Variants in SEM1 observed in about 807,000 individuals in gnomAD.
SEM1 encodes the protein SEM1 26S proteasome subunit, also known as 26S proteasome complex subunit SEM1.
SEM1 carries 3 observed loss-of-function variants against 12.7 expected under a neutral mutation model. That is an observed-to-expected ratio of 0.24 (90% CI 0.11 to 0.61). The LOEUF is 0.61. SEM1 is among the 20% of genes least tolerant of loss of function. SEM1 has a pLI of 0.88. For synonymous variants in SEM1, 30 were observed against 27.8 expected (o/e 1.08, Z -0.25); for missense variants, 59 against 81.3 (o/e 0.73, Z 1.06).
chr7:96,642,582 C>T (rs1342963965), intron 2 of SEM1, among the ~76,000 whole-genome samples: 1 of 151,222 alleles, frequency 6.6e-6, no homozygotes, highest in Admixed American at 6.6e-5. Flanking sequence ...GAGTTTATTT[C>T]CTAGGCACCA....
At chr7:96,590,204 C>G (rs181771539) in intron 2 of SEM1, among the ~76,000 whole-genome samples, 1 of 152,106 alleles carries the variant, frequency 6.6e-6, no homozygotes, top group East Asian at 1.9e-4. Context: ...TTTAGGGTTC[C>G]CAGATAAAAT....
At chr7:96,525,835 C>A (rs1275204312) in intron 2 of SEM1, among the ~76,000 whole-genome samples, 4 of 152,104 alleles carry the variant, frequency 2.6e-5, no homozygotes, top group Admixed American at 1.3e-4. Context: ...AGGTTGTGCG[C>A]TTCTTATGAG....
chr7:96,645,878 G>A (rs1808775357), intron 2 of SEM1: 6 of 398,268 alleles, frequency 1.5e-5, no homozygotes, highest in Admixed American at 8.8e-5. Flanking sequence ...ATGGAGGTGG[G>A]CATCTTCTCA....
chr7:96,695,476 T>C (rs1790061859), intron 1 of SEM1: 2 of 151,928 alleles, frequency 1.3e-5, no homozygotes, highest in African/African-American at 4.8e-5. Flanking sequence ...AGGTTTAGAT[T>C]GAGATTTCAG....
chr7:96,659,768 A>G (rs1011719219), intron 2 of SEM1, among the ~76,000 whole-genome samples: 1 of 152,140 alleles, frequency 6.6e-6, no homozygotes, highest in Non-Finnish European at 1.5e-5. Context: ...TCACTAAAAC[A>G]GAAATGAAAT....
intron 2 of SEM1, among the ~76,000 whole-genome samples, chr7:96,562,696 G>T (rs1805726388): frequency 6.6e-6 from 1 of 152,168 alleles, no homozygotes; most frequent in Non-Finnish European, 1.5e-5. Context: ...TAAAGCCATA[G>T]GGTGGGGAGA....
chr7:96,578,737 C>T lies in SEM1; in HGVS notation c.171-72039G>A, dbSNP rs1426994067. 2.0e-5 allele frequency among the ~76,000 whole-genome samples: 3 copies of T among 152,302 alleles called. No individual in the cohort carries two copies. The East Asian group carries it at 5.8e-4, about 29-fold the overall frequency. ...TTTTCATAGAAAGCATCTTCTGAGA[C>T]AATCCTATTTTATGAAACACACTCA... is the stretch of plus-strand genomic sequence containing the variant. On this transcript the variant is annotated intron_variant and NMD_transcript_variant, in intron 2 of 3. Transcript: ENST00000466986.
chr7:96,648,237 G>A (rs1808864879), intron 2 of SEM1, among the ~76,000 whole-genome samples: 1 of 152,196 alleles, frequency 6.6e-6, no homozygotes, highest in Admixed American at 6.5e-5. Flanking sequence ...AACTATCATA[G>A]AAGGAGTAGC....
intron 2 of SEM1, among the ~76,000 whole-genome samples, chr7:96,547,181 A>G (rs1227634061): frequency 1.3e-5 from 2 of 152,170 alleles, no homozygotes; most frequent in Non-Finnish European, 2.9e-5. Context: ...CTATATAAGC[A>G]TATGCATTTT....
At chr7:96,626,021 C>A (rs972460403) in intron 2 of SEM1, among the ~76,000 whole-genome samples, 3 of 152,142 alleles carry the variant, frequency 2.0e-5, no homozygotes, top group African/African-American at 7.2e-5. Context: ...TGCAAACAAT[C>A]CAATTATACT....
intron 2 of SEM1, among the ~76,000 whole-genome samples, chr7:96,648,657 A>T (rs1808875869): frequency 6.6e-6 from 1 of 152,226 alleles, no homozygotes. Flanking sequence ...TTTAGGAGGT[A>T]TAGAGCCGAA....
intron 2 of SEM1, among the ~76,000 whole-genome samples, chr7:96,567,937 C>CACAT (rs1054959532): frequency 2.0e-5 from 3 of 150,640 alleles, no homozygotes; most frequent in Admixed American, 6.6e-5. Flanking sequence ...CACATGCACA[C>CACAT]ACATACACAC....
downstream of SEM1, among the ~76,000 whole-genome samples, chr7:96,684,695 G>A (rs1215805684): frequency 6.6e-6 from 1 of 152,080 alleles, no homozygotes; most frequent in African/African-American, 2.4e-5. Context: ...GGGAAGACTG[G>A]AGGAAAGATC....
intron 2 of SEM1, among the ~76,000 whole-genome samples, chr7:96,582,140 C>G (rs1288101548): frequency 6.6e-6 from 1 of 151,180 alleles, no homozygotes; most frequent in African/African-American, 2.4e-5. Context: ...TTTTGAAATA[C>G]GTCCCATCAA....
chr7:96,699,921 C>T (rs1047538118), intron 1 of SEM1, among the ~76,000 whole-genome samples: 1 of 130,882 alleles, frequency 7.6e-6, no homozygotes, highest in Non-Finnish European at 1.8e-5. Flanking sequence ...TGATTCTTCT[C>T]TCCCTTAACT....
intron 2 of SEM1, among the ~76,000 whole-genome samples, chr7:96,519,056 A>G (rs1450979269): frequency 2.0e-5 from 3 of 152,180 alleles, no homozygotes; most frequent in Admixed American, 6.6e-5. Context: ...GAGAAGGGTC[A>G]CAAAGGATGG....
chr7:96,484,237 G>A (rs981745337), intron 3 of SEM1, among the ~76,000 whole-genome samples: 11 of 152,146 alleles, frequency 7.2e-5, no homozygotes, highest in African/African-American at 2.7e-4. Flanking sequence ...TACTCATGTA[G>A]CCACTGAGTA....
intron 2 of SEM1, among the ~76,000 whole-genome samples, chr7:96,526,761 G>C (rs971657929): frequency 6.6e-6 from 1 of 152,036 alleles, no homozygotes; most frequent in Non-Finnish European, 1.5e-5. Flanking sequence ...GGGTGGCTTT[G>C]TTCTTCCCAG....
intron 1 of SEM1, among the ~76,000 whole-genome samples, chr7:96,491,094 G>A (rs1802988602): frequency 6.6e-6 from 1 of 152,184 alleles, no homozygotes; most frequent in Admixed American, 6.5e-5. Flanking sequence ...CTGCTTTACA[G>A]AGGTATCTCT....
Sources: gnomAD v4.1 joint callset for allele counts (sites outside exome capture counted in the v4.1 genomes callset) on GRCh38, gnomAD v4.1.1 for gene constraint, MANE v1.5 for transcripts, NCBI Gene and HGNC (gene_info 2026-07-23, HGNC 2026-07-21) for gene names.